Variants in FHIP1A observed in about 807,000 individuals in gnomAD.
FHIP1A encodes the protein FHF complex subunit HOOK-interacting protein 1A.
A neutral mutation model predicts 88.6 loss-of-function variants in FHIP1A; 61 were observed. The observed-to-expected ratio is 0.69, with a 90% confidence interval of 0.56 to 0.85. The LOEUF (loss-of-function observed/expected upper bound fraction) is 0.85, where lower values mean the gene tolerates loss of function less well. FHIP1A is among the 40% of genes least tolerant of loss of function. The pLI is 0.00. For synonymous variants in FHIP1A, 478 were observed against 496.0 expected, an observed-to-expected ratio of 0.96 and a Z score of 0.48; for missense variants, 1,154 against 1,273.5, an observed-to-expected ratio of 0.91 and a Z score of 1.43.
chr4:151,551,218 T>C (rs1306685577), intron 3 of FHIP1A, among the ~76,000 whole-genome samples: 1 of 152,152 alleles, frequency 6.6e-6, no homozygotes, highest in African/African-American at 2.4e-5. Flanking sequence ...TCAGATAATC[T>C]CTGTGTGATG....
intron 3 of FHIP1A, among the ~76,000 whole-genome samples, chr4:151,502,044 A>T (rs1305362170): frequency 1.3e-5 from 2 of 151,622 alleles, no homozygotes; most frequent in Non-Finnish European, 2.9e-5. Flanking sequence ...GGCCAGGCAC[A>T]ATGGCTCATG....
rs865935876 is a variant in FHIP1A at position 151,514,017 on chromosome 4, A to G, written c.-123+31369A>G. Among the ~76,000 whole-genome samples the G allele has an allele frequency of 3.3e-5, 5 of 151,146 alleles. No individual in the cohort carries two copies. In the Middle Eastern group the frequency reaches 0.01, roughly 308 times the overall value. On this transcript the variant is annotated intron_variant, in intron 3 of 13. Transcript: ENST00000435205. Reference sequence around the variant, plus strand: ...GAATATACATTTTTTTCAGCACCACACCACACATATTCCAAAATTGACCAC... The same window carrying G: ...GAATATACATTTTTTTCAGCACCACGCCACACATATTCCAAAATTGACCAC...
chr4:151,608,415 C>T (rs1259917228), intron 7 of FHIP1A, among the ~76,000 whole-genome samples: 1 of 152,076 alleles, frequency 6.6e-6, no homozygotes, highest in Non-Finnish European at 1.5e-5. Flanking sequence ...AATTGTTTTC[C>T]TATTTATTCT....
chr4:151,640,650 T>C (rs950129126), intron 9 of FHIP1A, among the ~76,000 whole-genome samples: 3 of 152,212 alleles, frequency 2.0e-5, no homozygotes, highest in Non-Finnish European at 4.4e-5. Flanking sequence ...ATACTGCTTC[T>C]TTGATGGTAG....
chr4:151,623,544 G>GTTTTT (rs1560805584), intron 7 of FHIP1A, among the ~76,000 whole-genome samples: 4 of 45,546 alleles, frequency 8.8e-5, no homozygotes, highest in Non-Finnish European at 1.3e-4. Context: ...TTTTTTTTTC[G>GTTTTT]CCTCAATTTG....
At chr4:151,597,519 TGAG>T (rs1270197716) in intron 7 of FHIP1A, among the ~76,000 whole-genome samples, 2 of 152,248 alleles carry the variant, frequency 1.3e-5, no homozygotes, top group African/African-American at 4.8e-5. Context: ...GGGACCCACT[TGAG>T]GAGGCAGTCT....
At chr4:151,485,696 A>G (rs1018550222) in intron 3 of FHIP1A, among the ~76,000 whole-genome samples, 1 of 151,886 alleles carries the variant, frequency 6.6e-6, no homozygotes, top group African/African-American at 2.4e-5. Context: ...GGCTCAAACA[A>G]TCCTCCCACC....
At chr4:151,423,425 C>G (rs1351593234) in intron 1 of FHIP1A, among the ~76,000 whole-genome samples, 1 of 152,074 alleles carries the variant, frequency 6.6e-6, no homozygotes, top group Admixed American at 6.6e-5. Flanking sequence ...ATTAAATTAG[C>G]AAGTGTTTAA....
At chr4:151,443,807 C>T (rs952306879) in intron 1 of FHIP1A, among the ~76,000 whole-genome samples, 23 of 151,544 alleles carry the variant, frequency 1.5e-4, no homozygotes, top group Admixed American at 1.3e-3. Context: ...TATCAGAATT[C>T]GCATCAGAAG....
chr4:151,525,988 G>GT (rs1343038409), intron 3 of FHIP1A, among the ~76,000 whole-genome samples: 1 of 151,990 alleles, frequency 6.6e-6, no homozygotes, highest in African/African-American at 2.4e-5. Flanking sequence ...TCAAGCATCT[G>GT]TTTAACAAAG....
chr4:151,491,846 T>C (rs1411471766), intron 3 of FHIP1A, among the ~76,000 whole-genome samples: 1 of 151,574 alleles, frequency 6.6e-6, no homozygotes, highest in Non-Finnish European at 1.5e-5. Flanking sequence ...CAAGCAGGAG[T>C]AGCTATTCTC....
At position 151,663,009 on chromosome 4, in the gene FHIP1A, T is replaced by C; in HGVS notation, c.*255T>C. 1 of 356,304 alleles carries C rather than the reference T, an allele frequency of 2.8e-6. No homozygotes were observed. The highest frequency in any genetic ancestry group is 5.0e-6 in the Non-Finnish European group (1 of 201,408). The allele number at this position is 356,304 out of a possible 1,614,324, so 22.1% of individuals were successfully genotyped here. On this transcript the variant is annotated 3_prime_UTR_variant, in exon 14 of 14. Transcript: ENST00000435205. The stretch of plus-strand genomic sequence containing the variant: ...GTTTTCTTTGCTCTGTTTTTCCTCC[T>C]TATATTTTTTTGGTTGTCATTCTCC...
intron 1 of FHIP1A, among the ~76,000 whole-genome samples, chr4:151,443,650 C>A (rs1728488846): frequency 7.1e-6 from 1 of 141,048 alleles, no homozygotes; most frequent in Non-Finnish European, 1.5e-5. Context: ...CTCAGTTATC[C>A]CTCTTCCCTG....
chr4:151,581,484 T>G (rs966935057), intron 5 of FHIP1A, among the ~76,000 whole-genome samples: 1 of 152,252 alleles, frequency 6.6e-6, no homozygotes, highest in South Asian at 2.1e-4. Flanking sequence ...AACTGCATCA[T>G]AAGCAGATTT....
chr4:151,598,374 C>A (rs1302504402), intron 7 of FHIP1A, among the ~76,000 whole-genome samples: 1 of 152,164 alleles, frequency 6.6e-6, no homozygotes, highest in Non-Finnish European at 1.5e-5. Context: ...ACTGTCTAAC[C>A]AGTCCCAATG....
At chr4:151,472,704 T>C (rs1454007374) in intron 2 of FHIP1A, among the ~76,000 whole-genome samples, 1 of 151,960 alleles carries the variant, frequency 6.6e-6, no homozygotes, top group Non-Finnish European at 1.5e-5. Flanking sequence ...GTTAGAATTT[T>C]GTCAGCCACT....
rs72956916 is a variant in FHIP1A at position 151,651,785 on chromosome 4, T to C, written c.2551+1193T>C. Among the ~76,000 whole-genome samples the C allele has an allele frequency of 6.9e-3, 1,056 of 152,330 alleles. 8 individuals are homozygous for C. Among genetic ancestry groups the C allele is most frequent in the African/African-American group, 0.02 (836 of 41,572 alleles). ...TCCTCCTCCAGTATTTATTCATCTATTTACTGATGCCTGAAGATTTGTATA... is the reference window on the plus strand; with the variant it reads ...TCCTCCTCCAGTATTTATTCATCTACTTACTGATGCCTGAAGATTTGTATA... On this transcript the variant is annotated intron_variant, in intron 11 of 13. Coordinates refer to ENST00000435205, the MANE Select transcript of FHIP1A (RefSeq NM_001109977.3).
At chr4:151,419,012 A>C (rs573968178) in intron 1 of FHIP1A, among the ~76,000 whole-genome samples, 31 of 152,222 alleles carry the variant, frequency 2.0e-4, no homozygotes, top group Admixed American at 7.2e-4. Flanking sequence ...CTACTGGGTA[A>C]TGACTCAACT....
chr4:151,609,904 A>G (rs1188896909), intron 7 of FHIP1A, among the ~76,000 whole-genome samples: 1 of 152,226 alleles, frequency 6.6e-6, no homozygotes, highest in South Asian at 2.1e-4. Flanking sequence ...AAAAAACCCC[A>G]AAAAACTAAA....
Sources: allele counts gnomAD v4.1 joint callset (sites outside exome capture counted in the v4.1 genomes callset), GRCh38; gene constraint gnomAD v4.1.1; transcripts MANE v1.5; gene names NCBI Gene and HGNC (gene_info 2026-07-23, HGNC 2026-07-21).